The following DSE variants were observed in gnomAD, a reference collection of about 807,000 sequenced individuals.
DSE encodes dermatan-sulfate epimerase.
A neutral mutation model predicts 84.4 loss-of-function variants in DSE; 36 were observed. The observed-to-expected ratio is 0.43, with a 90% CI of 0.33 to 0.56. The LOEUF is 0.56. Ranked by LOEUF, DSE falls within the 20% of genes least tolerant of loss-of-function variation. The pLI is 0.06. For synonymous variants in DSE, 410 were observed against 430.1 expected, an observed-to-expected ratio of 0.95 and a Z score of 0.58; for missense variants, 862 against 1,169.6, an observed-to-expected ratio of 0.74 and a Z score of 3.84.
intron 4 of DSE, 100 bp downstream of exon 4, chr6:116,431,293 T>C (rs1783823807): frequency 6.9e-7 from 1 of 1,441,410 alleles, no homozygotes; most frequent in African/African-American, 1.4e-5. Flanking sequence ...GTCCTTAGAG[T>C]TTGTCATATT....
intron 2 of DSE, among the ~76,000 whole-genome samples, chr6:116,265,202 G>A (rs1046289791): frequency 6.6e-6 from 1 of 152,126 alleles, no homozygotes; most frequent in Non-Finnish European, 1.5e-5. Flanking sequence ...GATGGTGACT[G>A]TGTGCACAGT....
At chr6:116,264,488 A>G (rs1772538896) in intron 2 of DSE, among the ~76,000 whole-genome samples, 2 of 151,878 alleles carry the variant, frequency 1.3e-5, no homozygotes, top group Admixed American at 1.3e-4. Flanking sequence ...GCATTGTTTT[A>G]TCATTATTTT....
chr6:116,426,705 A>G lies in DSE; in HGVS notation c.548A>G (p.Asn183Ser), dbSNP rs577476142. 1.4e-5 allele frequency: 23 copies of G among 1,614,104 alleles called. No individual in the cohort carries two copies. The highest frequency in any genetic ancestry group is 5.3e-5 in the African/African-American group (4 of 74,928). ...GAGAAGTTTCTTGAAGTGATTGCCAATGCCTCAGGGTATATGTATGAAACT... is the reference window on the plus strand; with the variant it reads ...GAGAAGTTTCTTGAAGTGATTGCCAGTGCCTCAGGGTATATGTATGAAACT... ...QQEKFLEVIA[N>S]ASGYMYETSY... The change falls in exon 3 of 6, where the codon AAT becomes AGT. Residue 183 changes from asparagine (N) to serine (S), a missense_variant. Around this residue, in one of 4 missense-constraint regions of DSE, gnomAD observed 309 missense variants for 516.9 expected, o/e 0.60. Coordinates refer to ENST00000644252, the MANE Select transcript of DSE (RefSeq NM_013352.4).
intron 3 of DSE, among the ~76,000 whole-genome samples, chr6:116,430,665 C>G (rs867248188): frequency 6.6e-6 from 1 of 152,204 alleles, no homozygotes; most frequent in Non-Finnish European, 1.5e-5. Context: ...CCTCAGCCCC[C>G]CAAGTAGCTG....
In DSE at chr6:116,317,709, G is replaced by A. The variant is rs1776067826; in HGVS notation, c.-54+58742G>A. Among the ~76,000 whole-genome samples the A allele has an allele frequency of 2.0e-5, 3 of 152,336 alleles. No individual in the cohort carries two copies. The South Asian group carries it at 6.2e-4, about 32-fold the overall frequency. On this transcript the variant is annotated intron_variant, in intron 2 of 3. Coordinates refer to the DSE transcript ENST00000430252. ...TATTCAACTGGTTATTATAGACCAT[G>A]AAAGGAATTGTATTGCCGTATCTAA...
rs78988837 is a variant in DSE, at chr6:116,293,497, G to A, written c.-54+34530G>A. On this transcript the variant is annotated intron_variant, in intron 2 of 3. Transcript: ENST00000430252. ...ATGATGGTTTGTTTTTCTTAATTCT[G>A]GAAGATGAGGCCAATATTTGTTTGA... Among the ~76,000 whole-genome samples the A allele has an allele frequency of 5.3e-3, 813 of 152,062 alleles. 9 individuals carry two copies. Among genetic ancestry groups the A allele is most frequent in the African/African-American group, 0.019 (784 of 41,480 alleles).
intron 4 of DSE, among the ~76,000 whole-genome samples, chr6:116,431,526 A>G (rs1050141206): frequency 2.4e-4 from 37 of 152,090 alleles, no homozygotes; most frequent in African/African-American, 8.5e-4. Flanking sequence ...AAATATAAAC[A>G]TTTGTGATTA....
upstream of DSE, among the ~76,000 whole-genome samples, chr6:116,367,411 G>A (rs772735062): frequency 1.8e-4 from 28 of 152,328 alleles, no homozygotes; most frequent in Middle Eastern, 3.4e-3. Flanking sequence ...AGACTGATTA[G>A]TAAAACATAA....
intron 1 of DSE, among the ~76,000 whole-genome samples, chr6:116,373,773 C>T (rs1225729243): frequency 6.6e-6 from 1 of 152,124 alleles, no homozygotes; most frequent in Non-Finnish European, 1.5e-5. Context: ...GCTTTAAGAT[C>T]ACTGATGAAA....
rs538571444 is a variant in DSE, at chr6:116,385,210, G to A, written c.-53-13988G>A. ...GAAGGCAGAGAGGCAGTATGGCCAG[G>A]CTGCTTAGCCCCTTGAGAGCAATGC... On this transcript the variant is annotated intron_variant, in intron 1 of 5. Coordinates refer to ENST00000644252, the MANE Select transcript of DSE (RefSeq NM_013352.4). Among the ~76,000 whole-genome samples the A allele has an allele frequency of 7.9e-5, 12 of 152,310 alleles. No individual in the cohort carries two copies. In the South Asian group the frequency reaches 1.2e-3, roughly 16 times the overall value.
intron 2 of DSE, among the ~76,000 whole-genome samples, chr6:116,329,837 T>C (rs951029485): frequency 1.3e-5 from 2 of 152,224 alleles, no homozygotes; most frequent in Admixed American, 1.3e-4. Context: ...TTCTTTTCTT[T>C]TCTTTGAGAT....
At chr6:116,325,071 T>C (rs1776540121) in intron 2 of DSE, among the ~76,000 whole-genome samples, 1 of 151,980 alleles carries the variant, frequency 6.6e-6, no homozygotes. Context: ...GTGGAAACAA[T>C]CCTCCTTGGA....
Position 116,352,985 on chromosome 6 carries a change from A to G in DSE, c.-53-46213A>G, listed in dbSNP as rs146114853. On this transcript the variant is annotated intron_variant, in intron 2 of 3. Transcript: ENST00000430252. ...TATGACTGTGGAATGTGTTTGTCAG[A>G]CAAGTCCATCAGGGACTTATAACAG... Among the ~76,000 whole-genome samples the G allele has an allele frequency of 8.5e-3, 1,299 of 152,276 alleles. 21 individuals are homozygous for G. Among genetic ancestry groups the G allele is most frequent in the Middle Eastern group, 0.027 (8 of 294 alleles).
upstream of DSE, among the ~76,000 whole-genome samples, chr6:116,368,164 A>G (rs1353398154): frequency 1.3e-5 from 2 of 152,128 alleles, no homozygotes; most frequent in Non-Finnish European, 2.9e-5. Flanking sequence ...CTAATCCTTC[A>G]GCTAAGGTGA....
chr6:116,279,167 G>A, intron 2 of DSE: 3 of 1,613,390 alleles, frequency 1.9e-6, no homozygotes, highest in Non-Finnish European at 2.5e-6. Context: ...TCATGCAAAG[G>A]CCAGGGCCCT....
In DSE at chr6:116,438,644, G is replaced by A. The variant is rs1037267448; in HGVS notation, c.*1299G>A. ...AACTTAATAAATTATCATACATTCAGCATATTTGAGTCATATATTTCTCCT... is the reference window on the plus strand; with the variant it reads ...AACTTAATAAATTATCATACATTCAACATATTTGAGTCATATATTTCTCCT... On this transcript the variant is annotated 3_prime_UTR_variant, in exon 6 of 6. Coordinates refer to ENST00000644252, the MANE Select transcript of DSE (RefSeq NM_013352.4). 1.3e-5 allele frequency: 2 copies of A among 152,042 alleles called. No individual in the cohort carries two copies. Among genetic ancestry groups the A allele is most frequent in the African/African-American group, 4.8e-5 (2 of 41,412 alleles). 9.4% of individuals were successfully genotyped at this position (152,042 alleles called of 1,614,324 possible). A position where few individuals can be genotyped will look rare whatever the true frequency, so the allele number is the denominator to read the frequency against.
intron 1 of DSE, among the ~76,000 whole-genome samples, chr6:116,395,681 G>A (rs1781210887): frequency 1.3e-5 from 2 of 152,140 alleles, no homozygotes; most frequent in African/African-American, 2.4e-5. Context: ...ATTAAAATAA[G>A]TACGTAAAAT....
chr6:116,278,229 G>A (rs990377900), intron 2 of DSE: 3 of 412,068 alleles, frequency 7.3e-6, no homozygotes, highest in Non-Finnish European at 1.4e-5. Context: ...TGCAGATAAA[G>A]GCAGTACAAT....
chr6:116,436,103 T>C lies in DSE; in HGVS notation c.1635T>C (p.Tyr545=), dbSNP rs139270200. The C allele has an allele frequency of 3.2e-5, 52 of 1,612,934 alleles. No homozygotes were observed. Among genetic ancestry groups the C allele is most frequent in the Non-Finnish European group, 4.4e-5 (52 of 1,180,030 alleles). The change falls in exon 6 of 6, where the codon TAT becomes TAC. Residue 545 remains tyrosine (Y), a synonymous_variant. Coordinates refer to ENST00000644252, the MANE Select transcript of DSE (RefSeq NM_013352.4). ...VFIRGEGVGA[Y]NPQLNLKNVQ... is the part of the protein sequence containing the mutation. The stretch of plus-strand genomic sequence containing the variant: ...TCCGAGGAGAAGGTGTGGGAGCTTA[T>C]AACCCCCAGCTCAACCTGAAGAATG...
Sources: allele counts gnomAD v4.1 joint callset (sites outside exome capture counted in the v4.1 genomes callset), GRCh38; gene constraint gnomAD v4.1.1; regional missense constraint gnomAD v4.1.1; transcripts MANE v1.5; gene names NCBI Gene and HGNC (gene_info 2026-07-23, HGNC 2026-07-21).